Variants in SPTLC3 observed in about 807,000 individuals in gnomAD.
The protein encoded by SPTLC3 is serine palmitoyltransferase long chain base subunit 3, also known as serine palmitoyltransferase 3.
In SPTLC3, 36 loss-of-function variants were observed where a neutral mutation model predicts 59.3. That is an observed-to-expected ratio of 0.61 (90% confidence interval 0.47 to 0.80). The LOEUF (loss-of-function observed/expected upper bound fraction) is 0.80, where lower values mean the gene tolerates loss of function less well. Ranked by LOEUF, SPTLC3 falls within the 30% of genes least tolerant of loss-of-function variation. The pLI is 0.00. For missense variants in SPTLC3, 625 were observed against 685.1 expected (o/e 0.91, Z 0.98); for synonymous variants, 257 against 240.8 (o/e 1.07, Z -0.62).
In SPTLC3 at chr20:13,119,547, T is replaced by C. The variant is rs79962655; in HGVS notation, c.1152+1822T>C. ...ATGCAGAAAAAGTATGTACATCTGT[T>C]CATTTTCTTATCTCTTAAAATGCTC... is the stretch of plus-strand genomic sequence containing the variant. On this transcript the variant is annotated intron_variant, in intron 8 of 11. Coordinates refer to ENST00000399002, the MANE Select transcript of SPTLC3 (RefSeq NM_018327.4). Among the ~76,000 whole-genome samples, 103 of 152,350 alleles carry C rather than the reference T, an allele frequency of 6.8e-4. 1 individual carries two copies. In the East Asian group the frequency reaches 0.016, roughly 24 times the overall value.
At chr20:13,054,350 G>C (rs6078906) in intron 2 of SPTLC3, among the ~76,000 whole-genome samples, 2 of 152,134 alleles carry the variant, frequency 1.3e-5, no homozygotes, top group African/African-American at 2.4e-5. Context: ...ATGCATATTT[G>C]TAGACAGAAA....
At chr20:13,137,832 A>G (rs941499126) in intron 9 of SPTLC3, among the ~76,000 whole-genome samples, 1 of 152,148 alleles carries the variant, frequency 6.6e-6, no homozygotes, top group Non-Finnish European at 1.5e-5. Flanking sequence ...TAATCCTCTC[A>G]TATTTCCCTC....
chr20:13,132,269 C>T (rs1013177831), intron 9 of SPTLC3, among the ~76,000 whole-genome samples: 3 of 149,480 alleles, frequency 2.0e-5, no homozygotes, highest in South Asian at 2.1e-4. Flanking sequence ...CTCCACCTCT[C>T]GGGCTCAAGT....
intron 10 of SPTLC3, among the ~76,000 whole-genome samples, chr20:13,159,075 C>T (rs1481491190): frequency 6.6e-6 from 1 of 152,202 alleles, no homozygotes; most frequent in Non-Finnish European, 1.5e-5. Flanking sequence ...CTTGGGAGTA[C>T]ATGCCTTTTT....
intron 9 of SPTLC3, 60 bp from the exon 10 acceptor site, chr20:13,153,943 G>A (rs995533146): frequency 1.8e-5 from 29 of 1,592,754 alleles, no homozygotes; most frequent in Admixed American, 1.7e-4. Context: ...CAAGTTGACC[G>A]GACCTTTACT....
chr20:13,068,390 G>C (rs958161489), intron 2 of SPTLC3, among the ~76,000 whole-genome samples: 2 of 152,140 alleles, frequency 1.3e-5, no homozygotes, highest in Non-Finnish European at 1.5e-5. Flanking sequence ...CTATTGCAAT[G>C]CTTTTGTTTT....
At chr20:13,108,929 G>T (rs1346795542) in intron 6 of SPTLC3, among the ~76,000 whole-genome samples, 1 of 152,150 alleles carries the variant, frequency 6.6e-6, no homozygotes, top group African/African-American at 2.4e-5. Context: ...ATTAAGATTG[G>T]ATTCTGGACC....
chr20:13,147,923 G>A (rs975729804), intron 9 of SPTLC3, among the ~76,000 whole-genome samples: 1 of 152,200 alleles, frequency 6.6e-6, no homozygotes, highest in Non-Finnish European at 1.5e-5. Context: ...GTTAGAAAAC[G>A]AGATTGCAAA....
At chr20:13,121,585 A>T (rs1271119157) in intron 8 of SPTLC3, among the ~76,000 whole-genome samples, 1 of 152,266 alleles carries the variant, frequency 6.6e-6, no homozygotes, top group East Asian at 1.9e-4. Flanking sequence ...GAGACCTCTA[A>T]CCCACCCTGA....
At chr20:13,140,057 G>T (rs1387703116) in intron 9 of SPTLC3, among the ~76,000 whole-genome samples, 4 of 152,086 alleles carry the variant, frequency 2.6e-5, no homozygotes, top group African/African-American at 9.7e-5. Flanking sequence ...GCAGAAAATA[G>T]ACCCTGAAGA....
intron 4 of SPTLC3, among the ~76,000 whole-genome samples, chr20:13,075,552 G>A (rs1988615214): frequency 6.6e-6 from 1 of 152,142 alleles, no homozygotes; most frequent in Non-Finnish European, 1.5e-5. Context: ...AATAGTGGGT[G>A]CACAGATTTC....
At chr20:13,161,869 C>T (rs2038902817) in intron 11 of SPTLC3, among the ~76,000 whole-genome samples, 2 of 152,176 alleles carry the variant, frequency 1.3e-5, no homozygotes, top group East Asian at 1.9e-4. Context: ...CCTTCGTCTT[C>T]ACCAGTATAG....
At chr20:13,109,441 C>T (rs1481740975) in intron 6 of SPTLC3, among the ~76,000 whole-genome samples, 2 of 152,140 alleles carry the variant, frequency 1.3e-5, no homozygotes, top group Non-Finnish European at 2.9e-5. Flanking sequence ...TTTCCTGAAC[C>T]ACAGAATGGA....
intron 4 of SPTLC3, among the ~76,000 whole-genome samples, chr20:13,089,796 A>AC (rs1418287524): frequency 3.5e-5 from 5 of 144,698 alleles, no homozygotes; most frequent in Non-Finnish European, 6.1e-5. Context: ...AAAAAAAAAA[A>AC]AAAAAAAACA....
intron 1 of SPTLC3, among the ~76,000 whole-genome samples, chr20:13,024,525 TC>T (rs1444063972): frequency 1.3e-5 from 2 of 152,220 alleles, no homozygotes; most frequent in Non-Finnish European, 2.9e-5. Context: ...TAGTTTTTTT[TC>T]TTTTGAGGTA....
intron 9 of SPTLC3, among the ~76,000 whole-genome samples, chr20:13,127,333 C>A (rs1456536693): frequency 6.6e-6 from 1 of 152,160 alleles, no homozygotes; most frequent in Non-Finnish European, 1.5e-5. Context: ...CAGATTCTAC[C>A]ACATGTCACA....
At chr20:13,045,776 C>T (rs952961223) in intron 1 of SPTLC3, among the ~76,000 whole-genome samples, 2 of 152,116 alleles carry the variant, frequency 1.3e-5, no homozygotes, top group Non-Finnish European at 2.9e-5. Context: ...ACATATAGGC[C>T]CAGTCTGTGC....
At chr20:13,071,134 A>T (rs1988420096) in intron 2 of SPTLC3, among the ~76,000 whole-genome samples, 1 of 152,230 alleles carries the variant, frequency 6.6e-6, no homozygotes, top group Admixed American at 6.5e-5. Context: ...TGCTCCAAGA[A>T]TACTCGCAGG....
intron 2 of SPTLC3, among the ~76,000 whole-genome samples, chr20:13,056,066 A>G (rs1416359758): frequency 6.6e-5 from 10 of 152,172 alleles, no homozygotes; most frequent in Non-Finnish European, 2.9e-5. Context: ...CCTAGCAACT[A>G]GGGGAATGGA....
Sources: gnomAD v4.1 joint callset for allele counts (sites outside exome capture counted in the v4.1 genomes callset) on GRCh38, gnomAD v4.1.1 for gene constraint, MANE v1.5 for transcripts, NCBI Gene and HGNC (gene_info 2026-07-23, HGNC 2026-07-21) for gene names.